Variants in WDPCP observed in about 807,000 individuals in gnomAD.
WDPCP encodes the protein WD repeat-containing and planar cell polarity effector protein fritz homolog.
Under a neutral mutation model 93.1 loss-of-function variants are expected in WDPCP, and 71 were observed. The ratio of observed to expected loss-of-function variants is 0.76; its 90% CI spans 0.63 to 0.93. WDPCP has a LOEUF of 0.93. WDPCP is among the 40% of genes least tolerant of loss of function. The pLI is 0.00. For synonymous variants in WDPCP, 315 were observed against 315.0 expected, an observed-to-expected ratio of 1.00 and a Z score of 0.00; for missense variants, 844 against 887.4, an observed-to-expected ratio of 0.95 and a Z score of 0.62.
At chr2:63,625,743 G>A (rs926779580) in intron 3 of WDPCP, among the ~76,000 whole-genome samples, 2 of 152,112 alleles carry the variant, frequency 1.3e-5, no homozygotes, top group Admixed American at 6.5e-5. Flanking sequence ...AATCAATATC[G>A]TGAAAATGGC....
chr2:63,599,264 G>A lies in WDPCP; in HGVS notation n.488+51395C>T, dbSNP rs781739244. 2.9e-5 allele frequency: 47 copies of A among 1,613,496 alleles called. No individual in the cohort carries two copies. The East Asian group carries it at 8.0e-4, about 28-fold the overall frequency. On this transcript the variant is annotated intron_variant and non_coding_transcript_variant, in intron 3 of 4. Transcript: ENST00000467687. ...AAGGAGAACTTCAGTTGCTTGACTC[G>A]TTTGGATCACAACCGAGCTAAAGCT...
At chr2:63,833,116 G>T in the WDPCP span, among the ~76,000 whole-genome samples, 1 of 152,106 alleles carries the variant, frequency 6.6e-6, no homozygotes, top group Non-Finnish European at 1.5e-5. Flanking sequence ...AGCCAGGTGT[G>T]GTGGCAGGCG....
rs540607651 is a variant in WDPCP at position 63,331,272 on chromosome 2, T to C, written c.1749-17961A>G. On this transcript the variant is annotated intron_variant, in intron 12 of 17. Transcript: ENST00000272321. ...TTTTCCTTGAGTATTTTGTAGTCAC[T>C]GCACCAGTGTTCTTTTGTTGGTATG... is the stretch of plus-strand genomic sequence containing the variant. Among the ~76,000 whole-genome samples the C allele has an allele frequency of 7.2e-5, 11 of 152,360 alleles. No individual in the cohort carries two copies. The South Asian group carries it at 2.3e-3, about 32-fold the overall frequency.
chr2:63,559,063 A>G lies in WDPCP; in HGVS notation c.75+29134T>C, dbSNP rs556441409. Among the ~76,000 whole-genome samples the G allele has an allele frequency of 3.3e-5, 5 of 152,302 alleles. No homozygotes were observed. The East Asian group carries it at 9.7e-4, about 29-fold the overall frequency. On this transcript the variant is annotated intron_variant, in intron 1 of 17. Coordinates refer to ENST00000272321, the MANE Select transcript of WDPCP (RefSeq NM_015910.7). ...ATACTGGCAAACCGAATCCAGCAGCACATCAAAAAGCCTATCCACCACGAT... is the reference window on the plus strand; with the variant it reads ...ATACTGGCAAACCGAATCCAGCAGCGCATCAAAAAGCCTATCCACCACGAT...
chr2:63,664,840 A>T (rs1710265728), intron 2 of WDPCP, among the ~76,000 whole-genome samples: 1 of 152,214 alleles, frequency 6.6e-6, no homozygotes, highest in Admixed American at 6.5e-5. Context: ...AGTAGGAATT[A>T]TTGGTTTGCA....
chr2:63,605,904 A>C, intron 3 of WDPCP: 1 of 1,544,018 alleles, frequency 6.5e-7, no homozygotes, highest in Non-Finnish European at 9.0e-7. Context: ...GTGTAAACTA[A>C]TCATCATGAG....
chr2:63,181,066 T>C (rs555400576), intron 14 of WDPCP, among the ~76,000 whole-genome samples: 58 of 152,242 alleles, frequency 3.8e-4, no homozygotes, highest in African/African-American at 1.3e-3. Context: ...TATTTGTTTT[T>C]GTTGTTGTTG....
At chr2:63,479,083 C>A (rs1700125345) in intron 6 of WDPCP, among the ~76,000 whole-genome samples, 1 of 150,124 alleles carries the variant, frequency 6.7e-6, no homozygotes, top group Non-Finnish European at 1.5e-5. Flanking sequence ...AACTAGAAAA[C>A]CTAGAAGAGA....
chr2:63,385,350 T>C (rs1575291956), intron 10 of WDPCP, among the ~76,000 whole-genome samples: 2 of 152,116 alleles, frequency 1.3e-5, no homozygotes, highest in African/African-American at 4.8e-5. Context: ...GTAACACTTC[T>C]AAATCCAGTT....
chr2:63,527,268 C>G (rs1460749697), intron 1 of WDPCP, among the ~76,000 whole-genome samples: 2 of 149,444 alleles, frequency 1.3e-5, no homozygotes, highest in Non-Finnish European at 3.0e-5. Context: ...ATGTGCACAA[C>G]GTGCAGGTTT....
At chr2:63,699,053 C>T (rs901523446) in intron 2 of WDPCP, among the ~76,000 whole-genome samples, 1 of 152,184 alleles carries the variant, frequency 6.6e-6, no homozygotes, top group Non-Finnish European at 1.5e-5. Context: ...CTGGCAATCT[C>T]CAAGCAACAC....
intron 2 of WDPCP, among the ~76,000 whole-genome samples, chr2:63,732,199 G>A (rs936662624): frequency 6.6e-6 from 1 of 152,242 alleles, no homozygotes. Context: ...GGCATCATTT[G>A]TGCATTTAAG....
At chr2:63,407,367 T>C (rs1200449788) in intron 9 of WDPCP, among the ~76,000 whole-genome samples, 4 of 152,154 alleles carry the variant, frequency 2.6e-5, no homozygotes, top group African/African-American at 9.7e-5. Context: ...GTGTGATAGC[T>C]TGTAGGCCAC....
At chr2:63,610,722 C>T (rs563364906) in intron 3 of WDPCP, among the ~76,000 whole-genome samples, 2 of 152,216 alleles carry the variant, frequency 1.3e-5, no homozygotes, top group South Asian at 4.2e-4. Flanking sequence ...TGCATGTAAC[C>T]ATCCCCTTTT....
At position 63,362,278 on chromosome 2, in the gene WDPCP, T is replaced by TGG. The variant is rs71303386; in HGVS notation, c.1748+16107_1748+16108insCC. Reference sequence around the variant, plus strand: ...AATCCCTTTTTTTTTTTTTTTTGGTTGTGTGTGTGTGTGTGTGTGTGTGTA... The same window carrying TGG: ...AATCCCTTTTTTTTTTTTTTTTGGTTGGGTGTGTGTGTGTGTGTGTGTGTGTA... On this transcript the variant is annotated intron_variant, in intron 12 of 17. Transcript: ENST00000272321. Among the ~76,000 whole-genome samples, 64 of 13,916 alleles carry TGG rather than the reference T, an allele frequency of 4.6e-3. 2 individuals carry two copies. Among genetic ancestry groups the TGG allele is most frequent in the African/African-American group, 6.6e-3 (9 of 1,368 alleles). 9.1% of individuals were successfully genotyped at this position (13,916 alleles called of 152,430 possible). A position where few individuals can be genotyped will look rare whatever the true frequency, so the allele number is the denominator to read the frequency against.
chr2:63,722,725 C>T (rs1394272648), intron 2 of WDPCP, among the ~76,000 whole-genome samples: 8 of 151,060 alleles, frequency 5.3e-5, no homozygotes, highest in East Asian at 2.0e-4. Context: ...TCTGCCCGGC[C>T]GCCCCTACTG....
At chr2:63,135,927 T>A (rs940960961) in intron 17 of WDPCP, among the ~76,000 whole-genome samples, 2 of 152,000 alleles carry the variant, frequency 1.3e-5, no homozygotes, top group African/African-American at 4.8e-5. Context: ...AGAGATGGGG[T>A]CCTGCTATGT....
intron 1 of WDPCP, among the ~76,000 whole-genome samples, chr2:63,542,834 C>A (rs377373593): frequency 7.9e-5 from 12 of 152,236 alleles, no homozygotes; most frequent in African/African-American, 2.4e-4. Context: ...ATCTGTTTCA[C>A]AAACAGAAGG....
intron 3 of WDPCP, among the ~76,000 whole-genome samples, chr2:63,650,000 A>C (rs760285486): frequency 5.3e-5 from 8 of 152,196 alleles, no homozygotes; most frequent in Non-Finnish European, 8.8e-5. Context: ...AGAGGAGAAG[A>C]CCAGTTGATG....
Sources: gnomAD v4.1 joint callset for allele counts (sites outside exome capture counted in the v4.1 genomes callset) on GRCh38, gnomAD v4.1.1 for gene constraint, MANE v1.5 for transcripts, NCBI Gene and HGNC (gene_info 2026-07-23, HGNC 2026-07-21) for gene names.